Variants in CREG2 observed in about 807,000 individuals in gnomAD.
The protein encoded by CREG2 is cellular repressor of E1A stimulated genes 2, also known as protein CREG2.
CREG2 carries 24 observed loss-of-function variants against 26.2 expected under a neutral mutation model. That is an observed-to-expected ratio of 0.92 (90% CI 0.66 to 1.29). CREG2 has a LOEUF of 1.29. Ranked by LOEUF, CREG2 falls within the 50% of genes most tolerant of loss-of-function variation. The pLI is 0.00. For synonymous variants in CREG2, 174 were observed against 169.2 expected (o/e 1.03, Z -0.22); for missense variants, 366 against 398.6 (o/e 0.92, Z 0.70).
In CREG2 at chr2:101,355,321, C is replaced by T. The variant is rs762780528; in HGVS notation, c.657G>A (p.Thr219=). 4.3e-6 allele frequency: 7 copies of T among 1,613,862 alleles called. No homozygotes were observed. The East Asian group carries it at 1.1e-4, about 26-fold the overall frequency. ...DPEDPRCVQL[T]LTGQMIAVSP... is the part of the protein sequence containing the mutation. ...ACACTGCGATCATCTGGCCAGTGAG[C>T]GTTAACTGGACACATCGGGGATCTT... The change falls in exon 3 of 4, where the codon ACG becomes ACA. Residue 219 remains threonine (T), a synonymous_variant. Transcript: ENST00000324768.
In CREG2 at chr2:101,387,420, CCCGGCCGCGCCGGCCG is replaced by C. The variant is rs1478877721; in HGVS notation, c.22_37del (p.Arg8GlyfsTer21). The C allele has an allele frequency of 5.5e-6, 7 of 1,269,704 alleles. No homozygotes were observed. The East Asian group carries it at 9.7e-5, about 18-fold the overall frequency. 78.7% of individuals were successfully genotyped at this position (1,269,704 alleles called of 1,614,324 possible). ...GCACAGCAGCCAGGAGAGGCGGGTC[CCCGGCCGCGCCGGCCG>C]CCGGCCGCGGCGCACGGACATCTTG... On this transcript the variant is annotated frameshift_variant, in exon 1 of 4. Transcript: ENST00000324768. LOFTEE classifies it high-confidence loss of function. This position sits in a 1 kb window ranked among gnomAD's most constrained non-coding sequence, Gnocchi z 4.7.
intron 2 of CREG2, among the ~76,000 whole-genome samples, chr2:101,380,012 T>TATCTATC (rs1553447733): frequency 6.7e-6 from 1 of 149,972 alleles, no homozygotes. Context: ...TCTATCTATC[T>TATCTATC]ATCAATCATC....
At chr2:101,359,763 G>C (rs1008778755) in intron 2 of CREG2, among the ~76,000 whole-genome samples, 3 of 152,238 alleles carry the variant, frequency 2.0e-5, no homozygotes, top group Admixed American at 6.5e-5. Context: ...GTTAAGCCTA[G>C]AGGTTGAGTT....
chr2:101,382,563 C>T (rs1684893069), intron 2 of CREG2: 1 of 985,198 alleles, frequency 1.0e-6, no homozygotes, highest in African/African-American at 1.7e-5. Context: ...TGGCTTCTTG[C>T]TGTAACCTGG....
At chr2:101,369,667 A>T (rs1684674056) in intron 2 of CREG2, among the ~76,000 whole-genome samples, 1 of 152,080 alleles carries the variant, frequency 6.6e-6, no homozygotes, top group Non-Finnish European at 1.5e-5. Flanking sequence ...GCGTATTTCC[A>T]TGTGCGTCTT....
chr2:101,356,645 T>C (rs573411248), intron 2 of CREG2, among the ~76,000 whole-genome samples: 1 of 152,258 alleles, frequency 6.6e-6, no homozygotes, highest in African/African-American at 2.4e-5. Context: ...ATGGCATCCC[T>C]GGAGTAGTAC....
intron 3 of CREG2, among the ~76,000 whole-genome samples, chr2:101,353,446 A>T (rs1684411355): frequency 6.6e-6 from 1 of 152,242 alleles, no homozygotes; most frequent in Non-Finnish European, 1.5e-5. Context: ...AATGGCAATC[A>T]TTAAAAAGTC....
At chr2:101,381,277 CTA>C (rs948948946) in intron 2 of CREG2, among the ~76,000 whole-genome samples, 81 of 152,324 alleles carry the variant, frequency 5.3e-4, no homozygotes, top group African/African-American at 1.9e-3. Context: ...AGATACCTCG[CTA>C]TATTCCAGTG....
rs756723041 is a variant in CREG2 at position 101,355,272 on chromosome 2, T to A, written c.706A>T (p.Lys236Ter). ...ACACACCTTGAAAACATGGCTTGCT[T>A]GGCAAATTCTACTTCTTCTGGAGAC... ...AVSPEEVEFA[K>*]QAMFSRHPGM... Residue 236 changes from lysine to a stop codon, truncating the protein, a stop_gained, in exon 3 of 4, where the codon AAG (lysine) becomes TAG (stop). Coordinates refer to ENST00000324768, the MANE Select transcript of CREG2 (RefSeq NM_153836.4). LOFTEE classifies it high-confidence loss of function. 4 of 1,612,350 alleles carry A rather than the reference T, an allele frequency of 2.5e-6. No homozygotes were observed. The highest frequency in any genetic ancestry group is 1.7e-5 in the Admixed American group (1 of 59,994).
At chr2:101,359,669 C>T (rs888479241) in intron 2 of CREG2, among the ~76,000 whole-genome samples, 4 of 152,246 alleles carry the variant, frequency 2.6e-5, no homozygotes, top group African/African-American at 9.6e-5. Flanking sequence ...CTGCTCATGT[C>T]TGACTAGCTA....
rs757562352 is a variant in CREG2 at position 101,351,199 on chromosome 2, A to C, written c.726-129T>G. On this transcript the variant is annotated intron_variant, in intron 3 of 3. Coordinates refer to ENST00000324768, the MANE Select transcript of CREG2 (RefSeq NM_153836.4). The stretch of plus-strand genomic sequence containing the variant: ...AGCTGCTCACATCAGCCAGAGGCAG[A>C]ACCAGGGAGCTGAGTGTCAGTGCCT... The C allele has an allele frequency of 5.2e-5, 45 of 869,948 alleles. No individual in the cohort carries two copies. In the Middle Eastern group the frequency reaches 1.0e-3, roughly 20 times the overall value. 53.9% of individuals were successfully genotyped at this position (869,948 alleles called of 1,614,324 possible).
At chr2:101,382,426 C>CAA in intron 2 of CREG2, 2 of 713,136 alleles carry the variant, frequency 2.8e-6, no homozygotes, top group Non-Finnish European at 3.2e-6. Flanking sequence ...AACTCTATCT[C>CAA]GAAAAAAAAA....
chr2:101,384,666 G>A (rs1288740772), intron 1 of CREG2, among the ~76,000 whole-genome samples: 2 of 152,110 alleles, frequency 1.3e-5, no homozygotes, highest in Non-Finnish European at 2.9e-5. Context: ...GATCAGCCTG[G>A]GCAAGATAGC....
Position 101,349,736 on chromosome 2 carries a change from G to A in CREG2, c.*1187C>T, listed in dbSNP as rs1179806404. 1 of 151,700 alleles carries A rather than the reference G, an allele frequency of 6.6e-6. No homozygotes were observed. Among genetic ancestry groups the A allele is most frequent in the Non-Finnish European group, 1.5e-5 (1 of 67,962 alleles). The allele number at this position is 151,700 out of a possible 1,614,324, so 9.4% of individuals were successfully genotyped here. A position where few individuals can be genotyped will look rare whatever the true frequency, so the allele number is the denominator to read the frequency against. The stretch of plus-strand genomic sequence containing the variant: ...AATCTGTAGTAAGAATCAAATTTCA[G>A]AGACTTTTTTTTTTTTTCCAAAAGC... On this transcript the variant is annotated 3_prime_UTR_variant, in exon 4 of 4. Coordinates refer to ENST00000324768, the MANE Select transcript of CREG2 (RefSeq NM_153836.4).
At chr2:101,363,180 G>A (rs189256654) in intron 2 of CREG2, among the ~76,000 whole-genome samples, 2 of 152,316 alleles carry the variant, frequency 1.3e-5, no homozygotes, top group Admixed American at 1.3e-4. Context: ...TGGGTTTCAT[G>A]CCCAAGGCAT....
intron 3 of CREG2, among the ~76,000 whole-genome samples, chr2:101,351,687 C>T (rs1004364813): frequency 1.3e-5 from 2 of 152,038 alleles, no homozygotes; most frequent in East Asian, 3.9e-4. Context: ...GACTGACTTG[C>T]CTCTCCCCGA....
intron 2 of CREG2, among the ~76,000 whole-genome samples, chr2:101,370,240 G>A (rs1427745827): frequency 1.3e-5 from 2 of 152,150 alleles, no homozygotes; most frequent in African/African-American, 4.8e-5. Flanking sequence ...ACCATATACT[G>A]TTCCTCCCTT....
chr2:101,345,738 A>C lies in CREG2; in HGVS notation c.*5185T>G, dbSNP rs942137026. On this transcript the variant is annotated 3_prime_UTR_variant, in exon 4 of 4. Transcript: ENST00000324768. ...CTGTTATAGCAATCAAATAAGCATCAATAAATTATCCTAGAGAGGTTTTAT... is the reference window on the plus strand; with the variant it reads ...CTGTTATAGCAATCAAATAAGCATCCATAAATTATCCTAGAGAGGTTTTAT... 1.3e-5 allele frequency: 2 copies of C among 152,238 alleles called. No homozygotes were observed. The highest frequency in any genetic ancestry group is 2.9e-5 in the Non-Finnish European group (2 of 68,040). 9.4% of individuals were successfully genotyped at this position (152,238 alleles called of 1,614,324 possible).
chr2:101,355,300 T>G lies in CREG2; in HGVS notation c.678A>C (p.Ala226=), dbSNP rs748505516. 3 of 1,614,062 alleles carry G rather than the reference T, an allele frequency of 1.9e-6. No individual in the cohort carries two copies. Among genetic ancestry groups the G allele is most frequent in the Non-Finnish European group, 2.5e-6 (3 of 1,179,908 alleles). The stretch of plus-strand genomic sequence containing the variant: ...CAAATTCTACTTCTTCTGGAGACAC[T>G]GCGATCATCTGGCCAGTGAGCGTTA... ...VQLTLTGQMI[A]VSPEEVEFAK... The change falls in exon 3 of 4, where the codon GCA becomes GCC. Residue 226 remains alanine (A), a synonymous_variant. Coordinates refer to ENST00000324768, the MANE Select transcript of CREG2 (RefSeq NM_153836.4).
Sources: allele counts gnomAD v4.1 joint callset (sites outside exome capture counted in the v4.1 genomes callset), GRCh38; gene constraint gnomAD v4.1.1; non-coding constraint Gnocchi (gnomAD v3.1); transcripts MANE v1.5; gene names NCBI Gene and HGNC (gene_info 2026-07-23, HGNC 2026-07-21).